The following KSR2 variants were observed in gnomAD, a reference collection of about 807,000 sequenced individuals.
KSR2 encodes the protein kinase suppressor of ras 2.
KSR2 carries 25 observed loss-of-function variants against 107.8 expected under a neutral mutation model. The observed-to-expected ratio is 0.23, with a 90% CI of 0.17 to 0.32. The LOEUF is 0.32. KSR2 is among the 10% of genes least tolerant of loss of function. The probability of loss-of-function intolerance (pLI) is 1.00; values close to 1 mark genes in which losing one functional copy is unlikely to be tolerated. For synonymous variants in KSR2, 480 were observed against 507.0 expected, an observed-to-expected ratio of 0.95 and a Z score of 0.71; for missense variants, 887 against 1,268.9, an observed-to-expected ratio of 0.70 and a Z score of 4.57.
chr12:117,784,627 A>G (rs552181041), intron 3 of KSR2, among the ~76,000 whole-genome samples: 1 of 152,140 alleles, frequency 6.6e-6, no homozygotes, highest in South Asian at 2.1e-4. Flanking sequence ...CATTGCACCC[A>G]TGGGTTTTTT....
At chr12:117,590,300 G>A (rs1263954279) in intron 5 of KSR2, among the ~76,000 whole-genome samples, 2 of 152,186 alleles carry the variant, frequency 1.3e-5, no homozygotes, top group Non-Finnish European at 2.9e-5. Context: ...GAACAGGAAG[G>A]GCCTCAAGGG....
At chr12:117,569,115 A>G (rs1306178522) in intron 7 of KSR2, among the ~76,000 whole-genome samples, 1 of 152,134 alleles carries the variant, frequency 6.6e-6, no homozygotes, top group Non-Finnish European at 1.5e-5. Context: ...TCACACTTTT[A>G]TCTCCTCATC....
At chr12:117,949,230 G>A (rs1007483623) in intron 1 of KSR2, among the ~76,000 whole-genome samples, 11 of 151,708 alleles carry the variant, frequency 7.3e-5, no homozygotes, top group African/African-American at 2.2e-4. Flanking sequence ...AACATTTTAT[G>A]AGAAAATAAA....
chr12:117,615,596 A>C (rs1277596463), intron 5 of KSR2, among the ~76,000 whole-genome samples: 1 of 152,184 alleles, frequency 6.6e-6, no homozygotes, highest in African/African-American at 2.4e-5. Flanking sequence ...ACCAATAGAA[A>C]GATTCATGTA....
chr12:117,944,064 AC>A, intron 1 of KSR2, among the ~76,000 whole-genome samples: 1 of 151,766 alleles, frequency 6.6e-6, no homozygotes, highest in South Asian at 2.1e-4. Flanking sequence ...AGTCCATTAA[AC>A]CTCTTTTTCT....
At chr12:117,895,731 A>G (rs896964301) in intron 1 of KSR2, among the ~76,000 whole-genome samples, 1 of 152,186 alleles carries the variant, frequency 6.6e-6, no homozygotes, top group Non-Finnish European at 1.5e-5. Context: ...GCTCATAGGT[A>G]TATACCCAAG....
intron 1 of KSR2, among the ~76,000 whole-genome samples, chr12:117,929,798 C>A (rs1415054236): frequency 6.6e-6 from 1 of 152,074 alleles, no homozygotes. Context: ...CAAGAGGTAC[C>A]TACAACAGGC....
chr12:117,733,879 T>C (rs1028017102), intron 4 of KSR2, among the ~76,000 whole-genome samples: 1 of 152,118 alleles, frequency 6.6e-6, no homozygotes, highest in Non-Finnish European at 1.5e-5. Flanking sequence ...GAAAAATAAG[T>C]TTGCTGAATG....
At chr12:117,527,302 G>C (rs112913826) in intron 12 of KSR2, among the ~76,000 whole-genome samples, 183 bp from the exon 13 acceptor site, 1,840 of 67,418 alleles carry the variant, frequency 0.027, 41 homozygotes, top group African/African-American at 0.069. Flanking sequence ...CACACACACA[G>C]ACACACACAC....
intron 5 of KSR2, among the ~76,000 whole-genome samples, chr12:117,612,467 A>T (rs1881660229): frequency 6.6e-6 from 1 of 152,112 alleles, no homozygotes; most frequent in Non-Finnish European, 1.5e-5. Flanking sequence ...AATTTAAATC[A>T]CGTTTGTGTT....
intron 5 of KSR2, among the ~76,000 whole-genome samples, chr12:117,598,130 A>G (rs981103082): frequency 2.0e-5 from 3 of 152,134 alleles, no homozygotes; most frequent in African/African-American, 4.8e-5. Flanking sequence ...TTTATCCCTC[A>G]GCTCCCTCCC....
chr12:117,942,679 TG>T (rs1896047491), intron 1 of KSR2, among the ~76,000 whole-genome samples: 1 of 149,062 alleles, frequency 6.7e-6, no homozygotes, highest in African/African-American at 2.5e-5. Flanking sequence ...TTTTTTTTTT[TG>T]GAGAAACAAG....
chr12:117,545,685 G>A (rs1209463375), intron 9 of KSR2, among the ~76,000 whole-genome samples: 4 of 152,124 alleles, frequency 2.6e-5, no homozygotes, highest in African/African-American at 9.7e-5. Flanking sequence ...TCTTGCTACA[G>A]GTTTGTCAAT....
Position 117,598,942 on chromosome 12 carries a change from A to G in KSR2, c.1172-16583T>C, listed in dbSNP as rs1880791954. On this transcript the variant is annotated intron_variant, in intron 5 of 19. Coordinates refer to ENST00000339824, the MANE Select transcript of KSR2 (RefSeq NM_173598.6). ...ATATTTCATGAAAATCAAAACAAATAAAGTCCTCCCCGACCTTTCCTGGAA... is the reference window on the plus strand; with the variant it reads ...ATATTTCATGAAAATCAAAACAAATGAAGTCCTCCCCGACCTTTCCTGGAA... 2.0e-5 allele frequency among the ~76,000 whole-genome samples: 3 copies of G among 152,160 alleles called. No homozygotes were observed. The South Asian group carries it at 6.2e-4, about 32-fold the overall frequency.
intron 5 of KSR2, among the ~76,000 whole-genome samples, chr12:117,614,606 T>C (rs1450428964): frequency 6.6e-6 from 1 of 152,156 alleles, no homozygotes; most frequent in Non-Finnish European, 1.5e-5. Context: ...TAACAGAAGA[T>C]AAAAGGGGAG....
chr12:117,576,687 A>G (rs1371214554), intron 7 of KSR2, among the ~76,000 whole-genome samples: 3 of 151,114 alleles, frequency 2.0e-5, no homozygotes, highest in African/African-American at 7.3e-5. Flanking sequence ...TTTATTTTGT[A>G]GAGATAGGGT....
intron 9 of KSR2, among the ~76,000 whole-genome samples, chr12:117,548,488 A>G (rs2137311861): frequency 6.6e-6 from 1 of 152,350 alleles, no homozygotes; most frequent in East Asian, 1.9e-4. Context: ...TTGTAAGAAT[A>G]TGGCATATAA....
At chr12:117,671,297 C>G (rs924685328) in intron 4 of KSR2, among the ~76,000 whole-genome samples, 5 of 152,166 alleles carry the variant, frequency 3.3e-5, no homozygotes, top group African/African-American at 9.7e-5. Context: ...GTTGGGTGTT[C>G]CTTCTCAGTT....
At chr12:117,867,806 A>C (rs1006167871) in intron 1 of KSR2, among the ~76,000 whole-genome samples, 5 of 152,170 alleles carry the variant, frequency 3.3e-5, no homozygotes, top group Non-Finnish European at 7.3e-5. Flanking sequence ...TGGCCAATAA[A>C]TGCTTATGTT....
Sources: gnomAD v4.1 joint callset for allele counts (sites outside exome capture counted in the v4.1 genomes callset) on GRCh38, gnomAD v4.1.1 for gene constraint, MANE v1.5 for transcripts, NCBI Gene and HGNC (gene_info 2026-07-23, HGNC 2026-07-21) for gene names.